DGKD: variants seen among roughly 807,000 people sequenced by gnomAD.
DGKD encodes the protein diacylglycerol kinase delta.
A neutral mutation model predicts 154.4 loss-of-function variants in DGKD; 68 were observed. The observed-to-expected ratio is 0.44, with a 90% CI of 0.36 to 0.54. DGKD has a LOEUF of 0.54. Ranked by LOEUF, DGKD falls within the 20% of genes least tolerant of loss-of-function variation. The probability of loss-of-function intolerance (pLI) is 0.00; values close to 1 mark genes in which losing one functional copy is unlikely to be tolerated. For synonymous variants in DGKD, 693 were observed against 638.0 expected (o/e 1.09, Z -1.30); for missense variants, 1,343 against 1,593.6 (o/e 0.84, Z 2.68).
In DGKD at chr2:233,449,126, G is replaced by C; in HGVS notation, c.1638G>C (p.Leu546=). 6.3e-7 allele frequency: 1 copy of C among 1,599,478 alleles called. No individual in the cohort carries two copies. The highest frequency in any genetic ancestry group is 1.1e-5 in the South Asian group (1 of 90,784). Reference sequence around the variant, plus strand: ...AGTGCTCTGTCCTGAAAGAGAAGCTGGATTCCCTTCTCAAGACCTTGGACG... The same window carrying C: ...AGTGCTCTGTCCTGAAAGAGAAGCTCGATTCCCTTCTCAAGACCTTGGACG... ...AKKCSVLKEK[L]DSLLKTLDDE... Residue 546 remains leucine, a synonymous_variant, in exon 15 of 30, where the codon CTG becomes CTC. Transcript: ENST00000264057. The surrounding 1 kb of genome is among the most constrained non-coding windows in gnomAD (Gnocchi z 5.3).
intron 19 of DGKD, among the ~76,000 whole-genome samples, chr2:233,456,259 G>A (rs942858422): frequency 3.3e-5 from 5 of 152,228 alleles, no homozygotes; most frequent in African/African-American, 9.6e-5. Context: ...TGTAATCAAG[G>A]GGATTGGTTC....
Position 233,446,240 on chromosome 2 carries a change from C to G in DGKD, c.1335-472C>G, listed in dbSNP as rs2063065800. ...AGTGACACACTTGGCACTCACTGAC[C>G]ACATGCCTGTGGCACATGGGGTGCT... On this transcript the variant is annotated intron_variant, in intron 11 of 29. Transcript: ENST00000264057. Among the ~76,000 whole-genome samples the G allele has an allele frequency of 2.0e-5, 3 of 152,242 alleles. 1 individual carries two copies. The highest frequency in any genetic ancestry group is 7.2e-5 in the African/African-American group (3 of 41,458).
chr2:233,437,230 C>G, intron 7 of DGKD, 147 bp from the exon 8 acceptor site: 1 of 705,072 alleles, frequency 1.4e-6, no homozygotes, highest in East Asian at 2.7e-5. Flanking sequence ...AGCAGGCCGG[C>G]CCAGGGCCCC....
chr2:233,469,578 C>T lies in DGKD; in HGVS notation c.*118C>T, dbSNP rs1046018896. 1.9e-5 allele frequency: 16 copies of T among 827,330 alleles called. No individual in the cohort carries two copies. The highest frequency in any genetic ancestry group is 2.3e-5 in the Admixed American group (1 of 43,210). The allele number at this position is 827,330 out of a possible 1,614,324, so 51.2% of individuals were successfully genotyped here. On this transcript the variant is annotated 3_prime_UTR_variant, in exon 30 of 30. Transcript: ENST00000264057. Reference sequence around the variant, plus strand: ...GAGGCCCTGGGCAGATGCTGCAGCCCGCCCCCTTCTCATGGTGCTACTTCC... The same window carrying T: ...GAGGCCCTGGGCAGATGCTGCAGCCTGCCCCCTTCTCATGGTGCTACTTCC...
intron 9 of DGKD, among the ~76,000 whole-genome samples, chr2:233,439,605 C>T (rs2062822524): frequency 6.6e-6 from 1 of 152,148 alleles, no homozygotes; most frequent in Admixed American, 6.5e-5. Flanking sequence ...CTAGGTTACC[C>T]AGGCTGAGTA....
chr2:233,468,180 C>T lies in DGKD; in HGVS notation c.3425-243C>T, dbSNP rs183756167. 5.3e-5 allele frequency among the ~76,000 whole-genome samples: 8 copies of T among 150,162 alleles called. No individual in the cohort carries two copies. In the East Asian group the frequency reaches 7.9e-4, roughly 15 times the overall value. On this transcript the variant is annotated intron_variant, in intron 28 of 29. Transcript: ENST00000264057. ...GTGCTGTTGGCTGGGTGATGGATAC[C>T]GGCTGCCAGAGATGGCTCAGGTGCC...
chr2:233,436,495 C>T (rs569437691), intron 7 of DGKD, 54 bp downstream of exon 7: 3 of 1,576,432 alleles, frequency 1.9e-6, no homozygotes, highest in South Asian at 2.3e-5. Flanking sequence ...CCCTACCGTG[C>T]CCATGCGGGC....
At chr2:233,384,941 C>T (rs1029944890) in intron 1 of DGKD, among the ~76,000 whole-genome samples, 1 of 152,152 alleles carries the variant, frequency 6.6e-6, no homozygotes, top group African/African-American at 2.4e-5. Context: ...GCTCACTGCC[C>T]TGTGCCCCAC....
intron 3 of DGKD, among the ~76,000 whole-genome samples, chr2:233,409,232 T>G (rs188001870): frequency 2.0e-5 from 3 of 152,394 alleles, no homozygotes; most frequent in African/African-American, 7.2e-5. Flanking sequence ...ACACTTGTTA[T>G]ACTTGTTAAT....
At chr2:233,424,985 AC>A (rs998189102) in intron 3 of DGKD, among the ~76,000 whole-genome samples, 9 of 151,468 alleles carry the variant, frequency 5.9e-5, no homozygotes, top group Non-Finnish European at 1.0e-4. Flanking sequence ...CGGTTTAATA[AC>A]CCCCTGGGCT....
At chr2:233,355,550 C>G (rs1394072407) in intron 1 of DGKD, among the ~76,000 whole-genome samples, 1 of 152,214 alleles carries the variant, frequency 6.6e-6, no homozygotes, top group Middle Eastern at 3.2e-3. Context: ...TGCGCTTTTC[C>G]TCCGGGGCGG....
At chr2:233,392,847 A>C (rs1053982019) in intron 3 of DGKD, among the ~76,000 whole-genome samples, 7 of 152,182 alleles carry the variant, frequency 4.6e-5, no homozygotes, top group Non-Finnish European at 8.8e-5. Context: ...AGTAGCGTGT[A>C]CTGTTGTGTA....
chr2:233,467,134 C>T lies in DGKD; in HGVS notation c.3355C>T (p.Leu1119Phe). Residue 1119 changes from leucine to phenylalanine, a missense_variant, in exon 28 of 30, where the codon CTC becomes TTC. This residue lies in a region of DGKD where 429 missense variants were observed against 496.3 expected (regional missense o/e 0.86). Transcript: ENST00000264057. ...GCGCAGTCGCAGTGGTAAATTCCGCCTCGTGACCAAGTTTAAAAAGGAGAA... is the reference window on the plus strand; with the variant it reads ...GCGCAGTCGCAGTGGTAAATTCCGCTTCGTGACCAAGTTTAAAAAGGAGAA... Reference protein sequence around the residue: ...AKRSRSGKFRLVTKFKKEKNN... With the variant: ...AKRSRSGKFRFVTKFKKEKNN... 6.2e-7 allele frequency: 1 copy of T among 1,614,228 alleles called. No homozygotes were observed. The highest frequency in any genetic ancestry group is 8.5e-7 in the Non-Finnish European group (1 of 1,180,036).
Position 233,435,964 on chromosome 2 carries a change from G to T in DGKD, c.693+40G>T, listed in dbSNP as rs1222603341. 5 of 1,557,474 alleles carry T rather than the reference G, an allele frequency of 3.2e-6. No individual in the cohort carries two copies. The East Asian group carries it at 9.1e-5, about 28-fold the overall frequency. On this transcript the variant is annotated intron_variant, in intron 6 of 29. Transcript: ENST00000264057. ...ACCACCTGTGGGGCCCTGAGCCAGG[G>T]TCCCCCACCTGCACGGCCCCATGCA...
intron 1 of DGKD, among the ~76,000 whole-genome samples, chr2:233,380,467 C>T (rs961814377): frequency 5.9e-5 from 9 of 151,982 alleles, no homozygotes; most frequent in African/African-American, 2.2e-4. Flanking sequence ...GTTGTATGTT[C>T]ATTTAAAGCA....
At position 233,461,484 on chromosome 2, in the gene DGKD, C is replaced by G. The variant is rs76333967; in HGVS notation, c.2982-864C>G. ...CACTTCCATACCGGCTGCAGTCCTT[C>G]CTGGCGCTGCATTCTCTGCCCCAGG... is the stretch of plus-strand genomic sequence containing the variant. On this transcript the variant is annotated intron_variant, in intron 24 of 29. Coordinates refer to ENST00000264057, the MANE Select transcript of DGKD (RefSeq NM_152879.3). Among the ~76,000 whole-genome samples the G allele has an allele frequency of 5.7e-4, 87 of 152,380 alleles. 1 individual carries two copies. The East Asian group carries it at 0.016, about 27-fold the overall frequency.
At chr2:233,374,292 C>T (rs138960466) in intron 1 of DGKD, among the ~76,000 whole-genome samples, 286 of 151,472 alleles carry the variant, frequency 1.9e-3, no homozygotes, top group African/African-American at 6.7e-3. Context: ...CTCAAGTGTG[C>T]CTTCTGCCTC....
Position 233,441,818 on chromosome 2 carries a change from G to A in DGKD, c.1086-69G>A, listed in dbSNP as rs1014351886. 1.4e-5 allele frequency: 21 copies of A among 1,483,124 alleles called. No individual in the cohort carries two copies. Among genetic ancestry groups the A allele is most frequent in the African/African-American group, 8.3e-5 (6 of 72,464 alleles). The allele number at this position is 1,483,124 out of a possible 1,614,324, so 91.9% of individuals were successfully genotyped here. A position where few individuals can be genotyped will look rare whatever the true frequency, so the allele number is the denominator to read the frequency against. ...GGAGCACAGGTGGCCCCTCAGCCCC[G>A]TACTGACAAGCCTGTCATTTGTCCT... On this transcript the variant is annotated intron_variant, in intron 9 of 29. Coordinates refer to ENST00000264057, the MANE Select transcript of DGKD (RefSeq NM_152879.3). The surrounding 1 kb of genome is among the most constrained non-coding windows in gnomAD (Gnocchi z 5.6).
chr2:233,411,821 C>G (rs1417471310), intron 3 of DGKD, among the ~76,000 whole-genome samples: 1 of 152,106 alleles, frequency 6.6e-6, no homozygotes, highest in Non-Finnish European at 1.5e-5. Flanking sequence ...TGTTCTTCCC[C>G]CGACCCCCAT....
Sources: allele counts gnomAD v4.1 joint callset (sites outside exome capture counted in the v4.1 genomes callset), GRCh38; gene constraint gnomAD v4.1.1; regional missense constraint gnomAD v4.1.1; non-coding constraint Gnocchi (gnomAD v3.1); transcripts MANE v1.5; gene names NCBI Gene and HGNC (gene_info 2026-07-23, HGNC 2026-07-21).